Variants in CHEK2 observed in about 807,000 individuals in gnomAD.
The protein encoded by CHEK2 is checkpoint kinase 2, also known as serine/threonine-protein kinase Chk2.
CHEK2 carries 71 observed loss-of-function variants against 69.1 expected under a neutral mutation model. The observed-to-expected ratio is 1.03, with a 90% CI of 0.85 to 1.25. The LOEUF is 1.25. CHEK2 is among the 50% of genes most tolerant of loss of function. The pLI, the probability that CHEK2 is intolerant of heterozygous loss-of-function variation, is 0.00. For missense variants in CHEK2, 664 were observed against 649.6 expected (o/e 1.02, Z -0.24); for synonymous variants, 189 against 226.9 (o/e 0.83, Z 1.50).
At chr22:28,736,588 T>C (rs563863631) in intron 1 of CHEK2, among the ~76,000 whole-genome samples, 1 of 152,328 alleles carries the variant, frequency 6.6e-6, no homozygotes, top group East Asian at 1.9e-4. Flanking sequence ...TTTTATAAAC[T>C]GGAGACCGTA....
Position 28,734,609 on chromosome 22 carries a change from A to C in CHEK2, c.113T>G (p.Ile38Arg). The C allele has an allele frequency of 6.2e-7, 1 of 1,614,014 alleles. No individual in the cohort carries two copies. The highest frequency in any genetic ancestry group is 8.5e-7 in the Non-Finnish European group (1 of 1,180,022). Residue 38 changes from isoleucine to arginine, a missense_variant, in exon 2 of 15, where the codon ATA (isoleucine) becomes AGA (arginine). Physicochemically the swap from Ile to Arg is moderately conservative, Grantham distance 97 (BLOSUM62 -3). Coordinates refer to ENST00000404276, the MANE Select transcript of CHEK2 (RefSeq NM_007194.4). ...SQGSSSQSQGISSSSTSTMPN... is the reference protein window; with the variant it reads ...SQGSSSQSQGRSSSSTSTMPN... ...CATCGTGCTGGTAGAGGAGCTGGAT[A>C]TGCCCTGGGACTGTGAGGAGGAGCC...
chr22:28,701,788 T>G (rs927933145), intron 8 of CHEK2, among the ~76,000 whole-genome samples: 1 of 152,138 alleles, frequency 6.6e-6, no homozygotes, highest in Non-Finnish European at 1.5e-5. Context: ...AGGACCCGCA[T>G]AGAAAGTCCT....
At chr22:28,737,485 T>G (rs2146180439) in intron 1 of CHEK2, among the ~76,000 whole-genome samples, 1 of 151,842 alleles carries the variant, frequency 6.6e-6, no homozygotes, top group East Asian at 1.9e-4. Context: ...TTTTTTTTTT[T>G]TTTTTTGAAA....
rs1601853447 is a variant in CHEK2, at chr22:28,734,626, G to C, written c.96C>G (p.Ser32=). 2.5e-6 allele frequency: 4 copies of C among 1,613,998 alleles called. No individual in the cohort carries two copies. The African/African-American group carries it at 5.3e-5, about 22-fold the overall frequency. Reference sequence around the variant, plus strand: ...AGCTGGATATGCCCTGGGACTGTGAGGAGGAGCCTTGGGACTGGGTAACGC... The same window carrying C: ...AGCTGGATATGCCCTGGGACTGTGACGAGGAGCCTTGGGACTGGGTAACGC... ...HGSVTQSQGS[S]SQSQGISSSS... Residue 32 remains serine, a synonymous_variant, in exon 2 of 15, where the codon TCC becomes TCG. Coordinates refer to ENST00000404276, the MANE Select transcript of CHEK2 (RefSeq NM_007194.4).
intron 4 of CHEK2, among the ~76,000 whole-genome samples, chr22:28,720,840 C>T (rs954026494): frequency 6.6e-6 from 1 of 152,214 alleles, no homozygotes; most frequent in Admixed American, 6.5e-5. Context: ...TGTATTTCTC[C>T]TGTCAAGGTT....
At chr22:28,719,925 A>G (rs1016102137) in intron 4 of CHEK2, among the ~76,000 whole-genome samples, 1 of 152,140 alleles carries the variant, frequency 6.6e-6, no homozygotes, top group African/African-American at 2.4e-5. Context: ...CATCAGTATC[A>G]CCATACGGGT....
chr22:28,697,425 A>G (rs1461268581), intron 9 of CHEK2, among the ~76,000 whole-genome samples: 1 of 152,230 alleles, frequency 6.6e-6, no homozygotes, highest in Non-Finnish European at 1.5e-5. Flanking sequence ...ATATCTATTT[A>G]TGTGATACAA....
At chr22:28,697,012 C>A (rs1389081875) in intron 9 of CHEK2, 25 bp from the exon 10 acceptor site, 1 of 1,458,226 alleles carries the variant, frequency 6.9e-7, no homozygotes, top group Non-Finnish European at 9.6e-7. Context: ...AGGCATGACC[C>A]TCAGATTCAT....
chr22:28,734,450 G>T lies in CHEK2; in HGVS notation c.272C>A (p.Ala91Asp), dbSNP rs748559775. 1 of 1,614,050 alleles carries T rather than the reference G, an allele frequency of 6.2e-7. No individual in the cohort carries two copies. Among genetic ancestry groups the T allele is most frequent in the Non-Finnish European group, 8.5e-7 (1 of 1,179,968 alleles). ...EDQEPEEPTP[A>D]PWARLWALQD... ...AAGGGCCCATAATCGAGCCCAGGGG[G>T]CAGGGGTAGGCTCCTCAGGTTCTTG... Residue 91 changes from alanine to aspartate, a missense_variant, in exon 2 of 15, where the codon GCC becomes GAC. Ala to Asp is a moderately radical substitution (Grantham distance 126). Transcript: ENST00000404276.
chr22:28,705,857 C>T (rs1159755046), intron 7 of CHEK2, among the ~76,000 whole-genome samples: 1 of 152,014 alleles, frequency 6.6e-6, no homozygotes, highest in Non-Finnish European at 1.5e-5. Context: ...ACCTGGGAAT[C>T]GCTTGAACCC....
At chr22:28,717,722 A>G (rs927368281) in intron 5 of CHEK2, among the ~76,000 whole-genome samples, 1 of 151,868 alleles carries the variant, frequency 6.6e-6, no homozygotes, top group Non-Finnish European at 1.5e-5. Context: ...TAAAAATACA[A>G]AAAAATTAGC....
At chr22:28,737,297 T>C (rs891045173) in intron 1 of CHEK2, 1 of 479,000 alleles carries the variant, frequency 2.1e-6, no homozygotes, top group African/African-American at 2.0e-5. Flanking sequence ...AATTTTTTTA[T>C]TTCCATATTA....
chr22:28,721,258 T>C (rs1175575692), intron 4 of CHEK2, among the ~76,000 whole-genome samples: 1 of 151,882 alleles, frequency 6.6e-6, no homozygotes, highest in Non-Finnish European at 1.5e-5. Flanking sequence ...CAATGTACTG[T>C]TTTTTGTTTG....
intron 1 of CHEK2, among the ~76,000 whole-genome samples, chr22:28,735,413 A>AG (rs1268371813): frequency 6.6e-6 from 1 of 151,996 alleles, no homozygotes; most frequent in Non-Finnish European, 1.5e-5. Context: ...TTCAAAAAAA[A>AG]AAACTCATAT....
At chr22:28,706,902 G>A (rs1418326866) in intron 7 of CHEK2, among the ~76,000 whole-genome samples, 1 of 151,968 alleles carries the variant, frequency 6.6e-6, no homozygotes, top group Non-Finnish European at 1.5e-5. Flanking sequence ...GGCAACAGAC[G>A]GAGACTCCAT....
chr22:28,712,276 T>C, intron 5 of CHEK2: 1 of 476,918 alleles, frequency 2.1e-6, no homozygotes, highest in Non-Finnish European at 3.7e-6. Context: ...CCCTGGATTG[T>C]GAAATTCCCA....
intron 7 of CHEK2, chr22:28,708,834 G>T (rs1367262539): frequency 8.3e-6 from 2 of 239,850 alleles, no homozygotes; most frequent in Non-Finnish European, 8.3e-6. Context: ...GTGGTGGTGT[G>T]CCCAGCTACT....
intron 1 of CHEK2, among the ~76,000 whole-genome samples, chr22:28,740,142 A>C (rs1255449849): frequency 6.6e-6 from 1 of 152,208 alleles, no homozygotes; most frequent in East Asian, 1.9e-4. Context: ...CGGAGGTTGC[A>C]GTGAGCCGAG....
intron 4 of CHEK2, among the ~76,000 whole-genome samples, chr22:28,722,539 C>CAAAAA (rs755107963): frequency 7.7e-3 from 506 of 65,412 alleles, no homozygotes; most frequent in Middle Eastern, 0.015. Context: ...GACTCCGTCT[C>CAAAAA]AAAAAAAAAA....
Sources: gnomAD v4.1 joint callset for allele counts (sites outside exome capture counted in the v4.1 genomes callset) on GRCh38, gnomAD v4.1.1 for gene constraint, MANE v1.5 for transcripts, NCBI Gene and HGNC (gene_info 2026-07-23, HGNC 2026-07-21) for gene names.